Variants in LCTL observed in about 807,000 individuals in gnomAD.
LCTL encodes lactase like.
A neutral mutation model predicts 75.8 loss-of-function variants in LCTL; 76 were observed. That is an observed-to-expected ratio of 1.00 (90% CI 0.83 to 1.21). The LOEUF is 1.21. Ranked by LOEUF, LCTL falls within the 50% of genes most tolerant of loss-of-function variation. LCTL has a pLI of 0.00. For synonymous variants in LCTL, 271 were observed against 268.8 expected (o/e 1.01, Z -0.08); for missense variants, 670 against 712.4 (o/e 0.94, Z 0.68).
At chr15:66,550,162 A>C in intron 11 of LCTL, 58 bp from the exon 13 acceptor site, 1 of 1,034,408 alleles carries the variant, frequency 9.7e-7, no homozygotes, top group East Asian at 2.5e-5. Context: ...TGCTGTTTCA[A>C]ATCATTTTTG....
At chr15:66,550,051 C>A (rs1443180394) in exon 12 of LCTL, 1 of 1,600,768 alleles carries the variant, frequency 6.2e-7, no homozygotes, top group Non-Finnish European at 8.5e-7. Context: ...CTGCAGCAAG[C>A]ATCTGATTGT....
intron 2 of LCTL, 49 bp from the exon 4 acceptor site, chr15:66,564,047 G>A (rs1895960639): frequency 1.6e-6 from 2 of 1,254,426 alleles, no homozygotes; most frequent in African/African-American, 2.9e-5. Flanking sequence ...CTGGGTATGG[G>A]AGGTAGGGGT....
intron 2 of LCTL, 40 bp downstream of exon 3, chr15:66,564,636 C>T (rs1443507330): frequency 3.1e-6 from 5 of 1,588,966 alleles, no homozygotes; most frequent in Admixed American, 3.4e-5. Flanking sequence ...CATGTGTGTG[C>T]ACGCGCGCGC....
At position 66,552,185 on chromosome 15, in the gene LCTL, A is replaced by G; in HGVS notation, c.1198-16T>C. 1 of 1,599,172 alleles carries G rather than the reference A, an allele frequency of 6.3e-7. No homozygotes were observed. Among genetic ancestry groups the G allele is most frequent in the Non-Finnish European group, 8.5e-7 (1 of 1,176,004 alleles). On this transcript the variant is annotated splice_polypyrimidine_tract_variant and intron_variant, in intron 9 of 12. Coordinates refer to ENST00000341509, the Ensembl canonical transcript of LCTL. ...CGTATTGAGTCTGAAAGTGAGTCAT[A>G]GCAACAAATATCTTAAAAATTCTGA...
In LCTL at chr15:66,552,472, A is replaced by G. The variant is rs1194633475; in HGVS notation, c.1198-303T>C. On this transcript the variant is annotated intron_variant, in intron 9 of 12. Coordinates refer to ENST00000341509, the Ensembl canonical transcript of LCTL. ...GATCACCTAAGGTCAGGAGTTTGAG[A>G]CCAGCCTGGCCAACATGGTGAAAAC... 4.0e-5 allele frequency among the ~76,000 whole-genome samples: 6 copies of G among 151,894 alleles called. 1 individual carries two copies. In the South Asian group the frequency reaches 1.2e-3, roughly 32 times the overall value.
intron 2 of LCTL, 29 bp downstream of exon 3, chr15:66,564,647 A>G (rs200895328): frequency 1.1e-4 from 163 of 1,548,002 alleles, no homozygotes; most frequent in East Asian, 1.4e-4. Flanking sequence ...ACGCGCGCGC[A>G]CACACACACA....
intron 4 of LCTL, 123 bp from the exon 6 acceptor site, chr15:66,561,438 C>T (rs1412999575): frequency 9.3e-7 from 1 of 1,080,480 alleles, no homozygotes; most frequent in East Asian, 2.4e-5. Flanking sequence ...CTGGGACTCT[C>T]ATGCCTAGAA....
At chr15:66,557,858 A>G in exon 8 of LCTL, 1 of 1,614,110 alleles carries the variant, frequency 6.2e-7, no homozygotes, top group Non-Finnish European at 8.5e-7. Context: ...CCCCCCAGTC[A>G]CAGTTCAATG....
chr15:66,551,952 A>G, intron 10 of LCTL, 91 bp from the exon 12 acceptor site: 1 of 1,542,832 alleles, frequency 6.5e-7, no homozygotes, highest in East Asian at 2.3e-5. Flanking sequence ...CATTTATGAG[A>G]TTTAGAAGCA....
intron 4 of LCTL, 140 bp downstream of exon 5, chr15:66,563,376 C>A: frequency 1.8e-6 from 1 of 560,130 alleles, no homozygotes; most frequent in Non-Finnish European, 3.2e-6. Flanking sequence ...GAGATTTTTT[C>A]ACTCACTCGC....
chr15:66,556,628 T>C (rs746686362), intron 8 of LCTL, among the ~76,000 whole-genome samples: 22 of 152,144 alleles, frequency 1.4e-4, no homozygotes, highest in Non-Finnish European at 2.9e-4. Flanking sequence ...TATTCAGCCT[T>C]AAAAAGGAAG....
chr15:66,563,193 A>G (rs765826625), intron 4 of LCTL, among the ~76,000 whole-genome samples: 1 of 152,190 alleles, frequency 6.6e-6, no homozygotes, highest in Non-Finnish European at 1.5e-5. Context: ...CATTCAAGGC[A>G]TCATCTTGGA....
At chr15:66,550,744 G>T (rs1895568273) in intron 11 of LCTL, among the ~76,000 whole-genome samples, 1 of 152,082 alleles carries the variant, frequency 6.6e-6, no homozygotes, top group African/African-American at 2.4e-5. Context: ...CTCCCAAGGT[G>T]CTGGGGTTAC....
At chr15:66,550,592 C>T (rs1245192675) in intron 11 of LCTL, among the ~76,000 whole-genome samples, 2 of 152,044 alleles carry the variant, frequency 1.3e-5, no homozygotes, top group Non-Finnish European at 2.9e-5. Context: ...GTGATCCTCA[C>T]ACCTCAGTCT....
At chr15:66,547,598 AT>A (rs1330538774) in exon 13 of LCTL, 1 of 152,212 alleles carries the variant, frequency 6.6e-6, no homozygotes, top group Non-Finnish European at 1.5e-5. Context: ...TAAATAAAAA[AT>A]AAACATGTAA....
intron 6 of LCTL, among the ~76,000 whole-genome samples, chr15:66,559,945 G>C (rs1313549171): frequency 6.6e-6 from 1 of 151,964 alleles, no homozygotes; most frequent in East Asian, 1.9e-4. Flanking sequence ...AAATTAGCTG[G>C]GTGTGGTGGT....
exon 11 of LCTL, chr15:66,551,838 T>G (rs1267435132): frequency 6.2e-7 from 1 of 1,613,214 alleles, no homozygotes; most frequent in African/African-American, 1.3e-5. Flanking sequence ...GTATACCCCT[T>G]TATATTAGCA....
rs186221303 is a variant in LCTL, at chr15:66,547,623, T to C, written c.*867A>G. The C allele has an allele frequency of 4.7e-3, 723 of 152,242 alleles. 5 individuals are homozygous for C. Among genetic ancestry groups the C allele is most frequent in the African/African-American group, 0.016 (672 of 41,550 alleles). 9.4% of individuals were successfully genotyped at this position (152,242 alleles called of 1,614,324 possible). A position where few individuals can be genotyped will look rare whatever the true frequency, so the allele number is the denominator to read the frequency against. ...ATAAACATGTAATATTTCTTTGAGG[T>C]ATTTCATTGACTAAAGTAAGTTGAA... On this transcript the variant is annotated 3_prime_UTR_variant, in exon 13 of 13. Transcript: ENST00000341509.
chr15:66,549,718 G>A (rs781108333), intron 12 of LCTL: 10 of 187,484 alleles, frequency 5.3e-5, no homozygotes, highest in Non-Finnish European at 8.7e-5. Flanking sequence ...CTTCATCCCA[G>A]TTGGTATAGT....
Sources: gnomAD v4.1 joint callset for allele counts (sites outside exome capture counted in the v4.1 genomes callset) on GRCh38, gnomAD v4.1.1 for gene constraint, MANE v1.5 for transcripts, NCBI Gene and HGNC (gene_info 2026-07-23, HGNC 2026-07-21) for gene names.